HCFC2: variants seen among roughly 807,000 people sequenced by gnomAD.
The protein encoded by HCFC2 is host cell factor 2.
HCFC2 carries 18 observed loss-of-function variants against 89.2 expected under a neutral mutation model. The ratio of observed to expected loss-of-function variants is 0.20; its 90% CI spans 0.14 to 0.30. The LOEUF (loss-of-function observed/expected upper bound fraction) is 0.30. Among genes scored for constraint, HCFC2 ranks in the 10% least tolerant of loss-of-function variants. HCFC2 has a pLI of 1.00. For synonymous variants in HCFC2, 308 were observed against 335.7 expected, an observed-to-expected ratio of 0.92 and a Z score of 0.90; for missense variants, 578 against 956.1, an observed-to-expected ratio of 0.60 and a Z score of 5.21.
Position 104,079,498 on chromosome 12 carries a change from G to A in HCFC2, c.527G>A (p.Gly176Asp). 6.2e-7 allele frequency: 1 copy of A among 1,614,144 alleles called. No homozygotes were observed. Among genetic ancestry groups the A allele is most frequent in the Non-Finnish European group, 8.5e-7 (1 of 1,179,998 alleles). The change falls in exon 4 of 15, where the codon GGT becomes GAT. Residue 176 changes from glycine to aspartate, a missense_variant. Around this residue, in one of 4 missense-constraint regions of HCFC2, gnomAD observed 206 missense variants for 419.2 expected, o/e 0.49. Transcript: ENST00000229330. ...LELQHGSGVV[G>D]WSIPVTKGVV... is the part of the protein sequence containing the mutation. ...CTACAGCATGGCTCTGGTGTTGTGG[G>A]TTGGAGCATTCCAGTGACTAAAGGG...
chr12:104,064,894 G>C lies in HCFC2; in HGVS notation c.163+171G>C. ...AGCCCGGGTCCGGCAGCTCTGTCCC[G>C]GACCGCAGCTCAGGATCTCCGGGGC... On this transcript the variant is annotated intron_variant, in intron 1 of 14. Coordinates refer to ENST00000229330, the MANE Select transcript of HCFC2 (RefSeq NM_013320.3). This position sits in a 1 kb window ranked among gnomAD's most constrained non-coding sequence, Gnocchi z 7.3. 1 of 499,958 alleles carries C rather than the reference G, an allele frequency of 2.0e-6. No homozygotes were observed. Among genetic ancestry groups the C allele is most frequent in the Non-Finnish European group, 3.3e-6 (1 of 303,972 alleles). The allele number at this position is 499,958 out of a possible 1,614,324, so 31.0% of individuals were successfully genotyped here.
rs188517893 is a variant in HCFC2, at chr12:104,106,285, A to T, written c.*3012A>T. On this transcript the variant is annotated 3_prime_UTR_variant, in exon 15 of 15. Transcript: ENST00000229330. ...CTATAGCTAAAGATATTTTTATTTT[A>T]AAAAATTACAGCCCTTGTAACAAAA... The T allele has an allele frequency of 3.9e-5, 6 of 152,248 alleles. No homozygotes were observed. The East Asian group carries it at 1.2e-3, about 29-fold the overall frequency. 9.4% of individuals were successfully genotyped at this position (152,248 alleles called of 1,614,324 possible). A position where few individuals can be genotyped will look rare whatever the true frequency, so the allele number is the denominator to read the frequency against.
At chr12:104,072,363 C>T (rs1325128908) in intron 3 of HCFC2, among the ~76,000 whole-genome samples, 1 of 137,538 alleles carries the variant, frequency 7.3e-6, no homozygotes, top group African/African-American at 2.7e-5. Context: ...CAGAACAAGA[C>T]TGTTTAAAAA....
chr12:104,073,482 AG>A, intron 3 of HCFC2, among the ~76,000 whole-genome samples: 1 of 152,156 alleles, frequency 6.6e-6, no homozygotes, highest in South Asian at 2.1e-4. Flanking sequence ...TTTTTTAAAA[AG>A]GGTTTTCTGT....
At chr12:104,093,242 C>A in intron 9 of HCFC2, 144 bp from the exon 10 acceptor site, 1 of 537,406 alleles carries the variant, frequency 1.9e-6, no homozygotes, top group Non-Finnish European at 3.2e-6. Flanking sequence ...AAGAATAATC[C>A]TGTAGAAATT....
Position 104,067,953 on chromosome 12 carries a change from C to A in HCFC2, c.319C>A (p.Arg107Ser). Residue 107 changes from arginine (R) to serine (S), a missense_variant, in exon 3 of 15, where the codon CGT (arginine) becomes AGT (serine). Coordinates refer to ENST00000229330, the MANE Select transcript of HCFC2 (RefSeq NM_013320.3). ...GTGCCCTTTTTTTTTTTAGGCAAGT[C>A]GTTGGTTATGGAAAAAAGTGAAACC... ...SNELYELQAS[R>S]WLWKKVKPHP... 6.4e-7 allele frequency: 1 copy of A among 1,567,078 alleles called. No homozygotes were observed. Among genetic ancestry groups the A allele is most frequent in the Non-Finnish European group, 8.6e-7 (1 of 1,163,450 alleles).
chr12:104,082,399 C>T (rs12809773), intron 5 of HCFC2, 101 bp from the exon 6 acceptor site: 15,338 of 705,420 alleles, frequency 0.022, 238 homozygotes, highest in Middle Eastern at 0.06. Context: ...AGTTCTGAAG[C>T]TCTGAGTCAA....
Position 104,093,385 on chromosome 12 carries a change from G to C in HCFC2, c.1285-1G>C. On this transcript the variant is annotated splice_acceptor_variant, in intron 9 of 14. Transcript: ENST00000229330. LOFTEE classifies it high-confidence loss of function. ...ACAGTAATCTGTTATATTTCTTGTA[G>C]ATCAATGATACAATAAACAGCACAA... The C allele has an allele frequency of 6.2e-7, 1 of 1,603,398 alleles. No individual in the cohort carries two copies. Among genetic ancestry groups the C allele is most frequent in the Non-Finnish European group, 8.5e-7 (1 of 1,174,590 alleles).
chr12:104,100,617 C>T (rs1366903275), intron 13 of HCFC2, among the ~76,000 whole-genome samples: 2 of 151,746 alleles, frequency 1.3e-5, no homozygotes, highest in East Asian at 3.9e-4. Flanking sequence ...GAGAGAATTG[C>T]CAAGGAAATA....
At position 104,068,361 on chromosome 12, in the gene HCFC2, T is replaced by C. The variant is rs2136592006; in HGVS notation, c.473+254T>C. ...GTCTTTCTAATGAGAAATCATCTTATTAAATTAATATTAATGTAACTGCTT... is the reference window on the plus strand; with the variant it reads ...GTCTTTCTAATGAGAAATCATCTTACTAAATTAATATTAATGTAACTGCTT... On this transcript the variant is annotated intron_variant, in intron 3 of 14. Coordinates refer to ENST00000229330, the MANE Select transcript of HCFC2 (RefSeq NM_013320.3). This position sits in a 1 kb window ranked among gnomAD's most constrained non-coding sequence, Gnocchi z 4.1. 6.6e-6 allele frequency among the ~76,000 whole-genome samples: 1 copy of C among 152,346 alleles called. No individual in the cohort carries two copies. The highest frequency in any genetic ancestry group is 2.4e-5 in the African/African-American group (1 of 41,584).
rs1884108199 is a variant in HCFC2 at position 104,094,105 on chromosome 12, G to A, written c.1462+542G>A. ...CTCTTCACCAAAATAGGAAATATAG[G>A]AGCAAGAACAGATTTTGGAAAAGAT... On this transcript the variant is annotated intron_variant, in intron 10 of 14. Transcript: ENST00000229330. Among the ~76,000 whole-genome samples the A allele has an allele frequency of 2.0e-5, 3 of 152,122 alleles. No homozygotes were observed. The South Asian group carries it at 6.2e-4, about 31-fold the overall frequency.
intron 3 of HCFC2, among the ~76,000 whole-genome samples, chr12:104,073,166 C>T (rs1883383721): frequency 7.2e-6 from 1 of 139,450 alleles, no homozygotes. Flanking sequence ...CTTCTGTTTG[C>T]CTTTTTTTTT....
chr12:104,080,112 G>C (rs952294091), intron 4 of HCFC2, among the ~76,000 whole-genome samples: 9 of 152,170 alleles, frequency 5.9e-5, no homozygotes, highest in African/African-American at 2.2e-4. Flanking sequence ...GGAGGGTAGT[G>C]TGCCTCTCAC....
At position 104,068,444 on chromosome 12, in the gene HCFC2, T is replaced by C. The variant is rs1202095025; in HGVS notation, c.473+337T>C. Among the ~76,000 whole-genome samples the C allele has an allele frequency of 6.6e-6, 1 of 152,198 alleles. No homozygotes were observed. The highest frequency in any genetic ancestry group is 1.5e-5 in the Non-Finnish European group (1 of 68,028). On this transcript the variant is annotated intron_variant, in intron 3 of 14. Coordinates refer to ENST00000229330, the MANE Select transcript of HCFC2 (RefSeq NM_013320.3). The surrounding 1 kb of genome is among the most constrained non-coding windows in gnomAD (Gnocchi z 4.1). ...TGCATTTTAGCTGCCTCATAAATGA[T>C]AATGAAAAGTAACAGATGGTTATTT...
chr12:104,102,314 A>AT (rs1322848537), intron 14 of HCFC2, among the ~76,000 whole-genome samples, 161 bp downstream of exon 14: 1 of 152,056 alleles, frequency 6.6e-6, no homozygotes, highest in Non-Finnish European at 1.5e-5. Flanking sequence ...CTAATCATTC[A>AT]TTTTTTTTAA....
chr12:104,101,217 C>T (rs1413575940), intron 13 of HCFC2, among the ~76,000 whole-genome samples: 1 of 152,180 alleles, frequency 6.6e-6, no homozygotes, highest in African/African-American at 2.4e-5. Context: ...AGCATGGTGG[C>T]TCACGCCTGT....
chr12:104,096,286 T>A (rs1884175147), intron 11 of HCFC2, 74 bp from the exon 12 acceptor site: 1 of 970,764 alleles, frequency 1.0e-6, no homozygotes, highest in Admixed American at 2.6e-5. Context: ...GCATTAAATA[T>A]ATATTTAAAA....
At chr12:104,077,985 T>G (rs1243545150) in intron 3 of HCFC2, among the ~76,000 whole-genome samples, 1 of 152,132 alleles carries the variant, frequency 6.6e-6, no homozygotes, top group East Asian at 1.9e-4. Context: ...TATTATTTCT[T>G]TATTATTTAT....
chr12:104,083,445 C>A (rs1883742444), intron 7 of HCFC2, among the ~76,000 whole-genome samples: 1 of 151,986 alleles, frequency 6.6e-6, no homozygotes, highest in African/African-American at 2.4e-5. Flanking sequence ...AAGAAATAAT[C>A]AAAAACTGGA....
Sources: gnomAD v4.1 joint callset for allele counts (sites outside exome capture counted in the v4.1 genomes callset) on GRCh38, gnomAD v4.1.1 for gene constraint, gnomAD v4.1.1 regional missense constraint, Gnocchi (gnomAD v3.1) non-coding constraint, MANE v1.5 for transcripts, NCBI Gene and HGNC (gene_info 2026-07-23, HGNC 2026-07-21) for gene names.